The following RNF13 variants were observed in gnomAD, a reference collection of about 807,000 sequenced individuals.
The protein encoded by RNF13 is ring finger protein 13, also known as E3 ubiquitin-protein ligase RNF13.
A neutral mutation model predicts 37.7 loss-of-function variants in RNF13; 19 were observed. The observed-to-expected ratio is 0.50, with a 90% CI of 0.35 to 0.74. The LOEUF (loss-of-function observed/expected upper bound fraction) is 0.74. Ranked by LOEUF, RNF13 falls within the 30% of genes least tolerant of loss-of-function variation. The probability of loss-of-function intolerance (pLI) is 0.01; values close to 1 mark genes in which losing one functional copy is unlikely to be tolerated. For synonymous variants in RNF13, 144 were observed against 157.8 expected (o/e 0.91, Z 0.65); for missense variants, 375 against 453.0 (o/e 0.83, Z 1.56).
At chr3:149,882,702 T>C (rs1017184895) in intron 4 of RNF13, among the ~76,000 whole-genome samples, 3 of 152,194 alleles carry the variant, frequency 2.0e-5, no homozygotes, top group Admixed American at 2.0e-4. Flanking sequence ...GATGATTTTG[T>C]TTTTATTTTC....
chr3:149,873,411 A>G (rs530313166), intron 4 of RNF13, among the ~76,000 whole-genome samples: 1 of 152,340 alleles, frequency 6.6e-6, no homozygotes, highest in East Asian at 1.9e-4. Flanking sequence ...TCAGGAATGA[A>G]TACAGTAGGC....
chr3:149,857,914 T>A (rs1723816372), intron 3 of RNF13, among the ~76,000 whole-genome samples: 1 of 152,092 alleles, frequency 6.6e-6, no homozygotes, highest in Non-Finnish European at 1.5e-5. Flanking sequence ...ATTGTGGGGG[T>A]GTTGGAAGGT....
At chr3:149,813,194 G>T (rs1381577350), upstream of RNF13, 2 of 152,472 alleles carry the variant, frequency 1.3e-5, no homozygotes, top group Admixed American at 1.3e-4. Context: ...AATGAGGCGC[G>T]TGGGGCGGGA....
intron 8 of RNF13, among the ~76,000 whole-genome samples, chr3:149,925,000 G>A (rs984345083): frequency 1.3e-5 from 2 of 152,272 alleles, no homozygotes; most frequent in Middle Eastern, 3.4e-3. Flanking sequence ...TATTTGTAGT[G>A]GTGAGTCTGT....
chr3:149,954,493 G>T (rs1026975042), intron 8 of RNF13, among the ~76,000 whole-genome samples: 1 of 152,108 alleles, frequency 6.6e-6, no homozygotes, highest in African/African-American at 2.4e-5. Flanking sequence ...GTGCTAAAAC[G>T]TATTTCTGTT....
At chr3:149,859,370 T>C (rs1345838533) in intron 3 of RNF13, among the ~76,000 whole-genome samples, 1 of 152,212 alleles carries the variant, frequency 6.6e-6, no homozygotes, top group Non-Finnish European at 1.5e-5. Context: ...CCCTTTCCTC[T>C]TAATTTCAAA....
intron 7 of RNF13, among the ~76,000 whole-genome samples, chr3:149,916,576 A>C (rs915863028): frequency 6.6e-6 from 1 of 152,122 alleles, no homozygotes; most frequent in Non-Finnish European, 1.5e-5. Context: ...TTTTATCATG[A>C]ATTTTTGTTC....
Position 149,939,553 on chromosome 3 carries a change from G to A in RNF13, c.700+18326G>A, listed in dbSNP as rs140192475. 71 of 592,524 alleles carry A rather than the reference G, an allele frequency of 1.2e-4. No individual in the cohort carries two copies. In the East Asian group the frequency reaches 2.9e-3, roughly 24 times the overall value. The allele number at this position is 592,524 out of a possible 1,614,324, so 36.7% of individuals were successfully genotyped here. ...GCCCCCAGAAACCATTGGCTGTACA[G>A]ACATTTTCAAAGTTGCCAGTGTTAC... On this transcript the variant is annotated intron_variant, in intron 8 of 9. Coordinates refer to ENST00000392894, the MANE Select transcript of RNF13 (RefSeq NM_183381.3).
At chr3:149,884,059 C>A (rs541838182) in intron 4 of RNF13, among the ~76,000 whole-genome samples, 1 of 152,216 alleles carries the variant, frequency 6.6e-6, no homozygotes, top group Admixed American at 6.5e-5. Context: ...GCATAGTATT[C>A]CATGGTGTAT....
At chr3:149,895,061 T>G (rs1715097649) in intron 4 of RNF13, among the ~76,000 whole-genome samples, 1 of 152,182 alleles carries the variant, frequency 6.6e-6, no homozygotes, top group African/African-American at 2.4e-5. Context: ...TACAGAATAT[T>G]TTGGATGATC....
intron 8 of RNF13, among the ~76,000 whole-genome samples, chr3:149,923,627 G>T (rs985767108): frequency 3.3e-5 from 5 of 151,832 alleles, no homozygotes; most frequent in African/African-American, 1.2e-4. Flanking sequence ...TTAGCCGGGT[G>T]TGGTGGTGCG....
At chr3:149,814,169 T>TC (rs1322214742) in intron 1 of RNF13, 5 of 152,208 alleles carry the variant, frequency 3.3e-5, no homozygotes, top group African/African-American at 1.2e-4. Context: ...TTACTGTTCG[T>TC]CAGTGATGCA....
chr3:149,946,292 C>G (rs1186172172), intron 8 of RNF13, among the ~76,000 whole-genome samples: 4 of 152,212 alleles, frequency 2.6e-5, no homozygotes, highest in Non-Finnish European at 5.9e-5. Flanking sequence ...GTAGCCAATT[C>G]AATCAACTGG....
chr3:149,936,518 G>A (rs1719694638), intron 8 of RNF13, among the ~76,000 whole-genome samples: 1 of 151,746 alleles, frequency 6.6e-6, no homozygotes, highest in African/African-American at 2.4e-5. Flanking sequence ...ACCCTCTCAT[G>A]CATTTTCAGT....
At chr3:149,937,084 T>C (rs892414773) in intron 8 of RNF13, among the ~76,000 whole-genome samples, 1 of 152,164 alleles carries the variant, frequency 6.6e-6, no homozygotes, top group Non-Finnish European at 1.5e-5. Flanking sequence ...CTGCTGCTGA[T>C]CCACTGTCCC....
intron 8 of RNF13, among the ~76,000 whole-genome samples, chr3:149,954,312 T>C (rs1721642840): frequency 1.3e-5 from 2 of 152,130 alleles, no homozygotes; most frequent in African/African-American, 4.8e-5. Flanking sequence ...GATAGTACCA[T>C]GGAAGCCATG....
chr3:149,825,903 T>G (rs991241707), intron 1 of RNF13, among the ~76,000 whole-genome samples: 1 of 152,254 alleles, frequency 6.6e-6, no homozygotes, highest in Non-Finnish European at 1.5e-5. Context: ...TCATCACTCT[T>G]AGAAGTTTCC....
At chr3:149,837,118 A>G (rs757784638) in intron 1 of RNF13, among the ~76,000 whole-genome samples, 9 of 152,222 alleles carry the variant, frequency 5.9e-5, no homozygotes, top group Non-Finnish European at 1.2e-4. Context: ...ATACTTTAAA[A>G]TTTTTTATAT....
chr3:149,846,165 G>A (rs745755458), intron 2 of RNF13, 25 bp downstream of exon 2: 1 of 1,403,358 alleles, frequency 7.1e-7, no homozygotes, highest in Non-Finnish European at 1.0e-6. Flanking sequence ...ATTTATTCAT[G>A]TCTAGAAACA....
Sources: gnomAD v4.1 joint callset for allele counts (sites outside exome capture counted in the v4.1 genomes callset) on GRCh38, gnomAD v4.1.1 for gene constraint, MANE v1.5 for transcripts, NCBI Gene and HGNC (gene_info 2026-07-23, HGNC 2026-07-21) for gene names.